Variants in ERC2 observed in about 807,000 individuals in gnomAD.
ERC2 encodes the protein ELKS/RAB6-interacting/CAST family member 2, also known as ERC protein 2.
A neutral mutation model predicts 114.8 loss-of-function variants in ERC2; 42 were observed. That is an observed-to-expected ratio of 0.37 (90% CI 0.29 to 0.47). The LOEUF is 0.47. Ranked by LOEUF, ERC2 falls within the 20% of genes least tolerant of loss-of-function variation. The pLI is 0.99. For missense variants in ERC2, 939 were observed against 1,150.7 expected (o/e 0.82, Z 2.66); for synonymous variants, 454 against 425.5 (o/e 1.07, Z -0.82).
At chr3:55,817,277 C>T (rs527659196) in intron 14 of ERC2, among the ~76,000 whole-genome samples, 1 of 152,296 alleles carries the variant, frequency 6.6e-6, no homozygotes, top group South Asian at 2.1e-4. Flanking sequence ...CTACTCTGGT[C>T]CCTGTTGCAA....
chr3:55,581,299 C>A (rs989387109), intron 17 of ERC2, among the ~76,000 whole-genome samples: 10 of 152,184 alleles, frequency 6.6e-5, no homozygotes, highest in Non-Finnish European at 1.3e-4. Flanking sequence ...TCTGAAAATA[C>A]CCATGCAATA....
At chr3:55,775,230 A>G (rs759088239) in intron 14 of ERC2, among the ~76,000 whole-genome samples, 1 of 152,138 alleles carries the variant, frequency 6.6e-6, no homozygotes, top group Non-Finnish European at 1.5e-5. Flanking sequence ...TGAGAGACAG[A>G]AAAAGAAAGA....
intron 16 of ERC2, among the ~76,000 whole-genome samples, chr3:55,696,548 A>G (rs758859894): frequency 3.3e-5 from 5 of 152,350 alleles, no homozygotes; most frequent in Non-Finnish European, 7.3e-5. Context: ...TCCTAAGAAG[A>G]AACATATACT....
At chr3:55,766,608 G>A (rs867296682) in intron 14 of ERC2, 1 of 152,286 alleles carries the variant, frequency 6.6e-6, no homozygotes, top group Non-Finnish European at 1.5e-5. Context: ...GGAAGAGGGT[G>A]AGTGGAGCTT....
chr3:56,183,021 G>A (rs191316694), intron 3 of ERC2, among the ~76,000 whole-genome samples: 165 of 151,874 alleles, frequency 1.1e-3, no homozygotes, highest in African/African-American at 3.8e-3. Flanking sequence ...CCAATCAAGC[G>A]TTTATAAATA....
chr3:55,621,208 C>T lies in ERC2; in HGVS notation c.*39+62586G>A, dbSNP rs533589938. 1.5e-4 allele frequency among the ~76,000 whole-genome samples: 22 copies of T among 151,576 alleles called. No individual in the cohort carries two copies. In the South Asian group the frequency reaches 4.6e-3, roughly 32 times the overall value. On this transcript the variant is annotated intron_variant, in intron 17 of 17. Coordinates refer to ENST00000288221, the MANE Select transcript of ERC2 (RefSeq NM_015576.3). The stretch of plus-strand genomic sequence containing the variant: ...TGATCACCTTTTTTTTCTCCAAAGA[C>T]CTAAAAGAGGGAGATAACACCTCTT...
intron 7 of ERC2, among the ~76,000 whole-genome samples, chr3:56,069,104 T>C (rs1222825403): frequency 1.3e-5 from 2 of 152,238 alleles, no homozygotes; most frequent in Admixed American, 1.3e-4. Flanking sequence ...GTTAATTTTC[T>C]GTCTCAATGA....
intron 16 of ERC2, among the ~76,000 whole-genome samples, chr3:55,696,698 A>G (rs535489318): frequency 4.5e-4 from 68 of 152,198 alleles, no homozygotes; most frequent in Non-Finnish European, 7.2e-4. Flanking sequence ...ATAACAGTAC[A>G]TATACTGATA....
intron 17 of ERC2, among the ~76,000 whole-genome samples, chr3:55,641,205 C>T (rs2060166115): frequency 6.6e-6 from 1 of 152,084 alleles, no homozygotes; most frequent in African/African-American, 2.4e-5. Flanking sequence ...TGTTTTTAGC[C>T]CCTAGATGCA....
chr3:55,588,922 C>T (rs2057729190), intron 17 of ERC2, among the ~76,000 whole-genome samples: 1 of 152,014 alleles, frequency 6.6e-6, no homozygotes, highest in Admixed American at 6.6e-5. Context: ...TGGCTTGGGG[C>T]ATTTCGGAGG....
At chr3:56,121,236 T>C (rs977603261) in intron 6 of ERC2, among the ~76,000 whole-genome samples, 1 of 152,252 alleles carries the variant, frequency 6.6e-6, no homozygotes, top group Non-Finnish European at 1.5e-5. Flanking sequence ...TTTGTATGTC[T>C]GTAGCACATA....
At chr3:56,036,585 C>G (rs1469434241) in intron 7 of ERC2, among the ~76,000 whole-genome samples, 2 of 152,152 alleles carry the variant, frequency 1.3e-5, no homozygotes, top group Non-Finnish European at 2.9e-5. Context: ...GTTCTCTCAT[C>G]TGGGCTGACT....
intron 17 of ERC2, among the ~76,000 whole-genome samples, chr3:55,523,841 C>A (rs1318957274): frequency 2.0e-5 from 3 of 152,196 alleles, no homozygotes; most frequent in African/African-American, 7.2e-5. Flanking sequence ...AATGCTTCTG[C>A]AGCAGTGATT....
intron 3 of ERC2, among the ~76,000 whole-genome samples, chr3:56,215,294 G>A (rs2049378325): frequency 6.6e-6 from 1 of 152,112 alleles, no homozygotes; most frequent in Non-Finnish European, 1.5e-5. Flanking sequence ...AGGGATGGAG[G>A]AAGATCTACC....
At chr3:56,046,415 C>G (rs974094340) in intron 7 of ERC2, among the ~76,000 whole-genome samples, 1 of 152,070 alleles carries the variant, frequency 6.6e-6, no homozygotes, top group Admixed American at 6.6e-5. Flanking sequence ...GCATAGACAT[C>G]GGTGGTATTT....
chr3:55,886,724 C>T (rs1430715187), intron 14 of ERC2, among the ~76,000 whole-genome samples: 1 of 152,186 alleles, frequency 6.6e-6, no homozygotes, highest in Non-Finnish European at 1.5e-5. Flanking sequence ...CAACTAATTA[C>T]ATAAGTTAAT....
chr3:55,877,515 C>A (rs28504190), intron 14 of ERC2, among the ~76,000 whole-genome samples: 6 of 140,640 alleles, frequency 4.3e-5, no homozygotes, highest in South Asian at 2.3e-4. Context: ...TTTATTTTTT[C>A]TTTTTTTTTT....
intron 12 of ERC2, among the ~76,000 whole-genome samples, chr3:55,956,773 T>C (rs931842588): frequency 4.6e-5 from 7 of 152,194 alleles, no homozygotes; most frequent in African/African-American, 1.7e-4. Flanking sequence ...CATGGTCAAC[T>C]GCATAAGTCC....
At chr3:55,941,048 C>T (rs948233675) in intron 13 of ERC2, among the ~76,000 whole-genome samples, 1 of 152,184 alleles carries the variant, frequency 6.6e-6, no homozygotes, top group Non-Finnish European at 1.5e-5. Flanking sequence ...TCTCAATCTT[C>T]TTATCTGTAA....
Sources: gnomAD v4.1 joint callset for allele counts (sites outside exome capture counted in the v4.1 genomes callset) on GRCh38, gnomAD v4.1.1 for gene constraint, MANE v1.5 for transcripts, NCBI Gene and HGNC (gene_info 2026-07-23, HGNC 2026-07-21) for gene names.